The following AAMP variants were observed in gnomAD, a reference collection of about 807,000 sequenced individuals.
The protein encoded by AAMP is angio-associated migratory cell protein.
AAMP carries 12 observed loss-of-function variants against 51.1 expected under a neutral mutation model. The ratio of observed to expected loss-of-function variants is 0.23; its 90% confidence interval spans 0.15 to 0.38. AAMP has a LOEUF of 0.38. AAMP is among the 10% of genes least tolerant of loss of function. AAMP has a pLI of 1.00. For synonymous variants in AAMP, 210 were observed against 218.7 expected, an observed-to-expected ratio of 0.96 and a Z score of 0.35; for missense variants, 418 against 557.2, an observed-to-expected ratio of 0.75 and a Z score of 2.52.
Position 218,265,643 on chromosome 2 carries a change from G to T in AAMP, c.919C>A (p.Pro307Thr). ...VFRPETVASQ[P>T]SLGEGEESES... ...CTCTCCTCCCCTTCTCCCAGGCTGG[G>T]CTGGGAGGCCACAGTCTCAGGTCTA... Residue 307 changes from proline (P) to threonine (T), a missense_variant, in exon 8 of 11, where the codon CCC becomes ACC. Pro to Thr is a conservative substitution (Grantham distance 38). Coordinates refer to ENST00000248450, the MANE Select transcript of AAMP (RefSeq NM_001087.5). This position sits in a 1 kb window ranked among gnomAD's most constrained non-coding sequence, Gnocchi z 6.6. 1 of 1,613,672 alleles carries T rather than the reference G, an allele frequency of 6.2e-7. No homozygotes were observed. The highest frequency in any genetic ancestry group is 8.5e-7 in the Non-Finnish European group (1 of 1,179,970).
rs1409674670 is a variant in AAMP, at chr2:218,265,151, C to T, written c.1098G>A (p.Trp366Ter). 6.3e-7 allele frequency: 1 copy of T among 1,595,708 alleles called. No individual in the cohort carries two copies. Among genetic ancestry groups the T allele is most frequent in the African/African-American group, 1.3e-5 (1 of 74,548 alleles). The change falls in exon 10 of 11, where the codon TGG (tryptophan) becomes TGA (stop). Residue 366 changes from tryptophan (W) to a stop codon, truncating the protein, a stop_gained. Coordinates refer to ENST00000248450, the MANE Select transcript of AAMP (RefSeq NM_001087.5). LOFTEE classifies it high-confidence loss of function. The surrounding 1 kb of genome is among the most constrained non-coding windows in gnomAD (Gnocchi z 6.6). ...QHQSGIVQLL[W>*]EAGTAVVYTC... The stretch of plus-strand genomic sequence containing the variant: ...TATATACCACGGCAGTGCCTGCCTC[C>T]CACAGCAGCTGCACGATGCCCGACT...
At position 218,265,086 on chromosome 2, in the gene AAMP, C is replaced by T. The variant is rs758856081; in HGVS notation, c.1163G>A (p.Arg388Gln). ...GTAGTCAGTAAGCAGGCGGCCGGTC[C>T]GGGCGTCCCAGAGGCGCACGATGCC... is the stretch of plus-strand genomic sequence containing the variant. ...LDGIVRLWDA[R>Q]TGRLLTDYRG... Residue 388 changes from arginine (R) to glutamine (Q), a missense_variant, in exon 10 of 11, where the codon CGG becomes CAG. By Grantham distance (43) the Arg-to-Gln change is conservative (BLOSUM62 1). Coordinates refer to ENST00000248450, the MANE Select transcript of AAMP (RefSeq NM_001087.5). This position sits in a 1 kb window ranked among gnomAD's most constrained non-coding sequence, Gnocchi z 6.6. 4.3e-6 allele frequency: 7 copies of T among 1,613,614 alleles called. No homozygotes were observed. Among genetic ancestry groups the T allele is most frequent in the East Asian group, 4.5e-5 (2 of 44,890 alleles).
rs560486833 is a variant in AAMP at position 218,266,816 on chromosome 2, A to C, written c.534+31T>G. The C allele has an allele frequency of 5.6e-6, 9 of 1,612,696 alleles. No individual in the cohort carries two copies. In the Admixed American group the frequency reaches 6.7e-5, roughly 12 times the overall value. ...TGCACCCCCAACAACCCAAGGCCCC[A>C]CAGAGCTGACTCCCGCTCTGATGAT... On this transcript the variant is annotated intron_variant, in intron 4 of 10. Transcript: ENST00000248450. The surrounding 1 kb of genome is among the most constrained non-coding windows in gnomAD (Gnocchi z 4.7).
At chr2:218,268,122 C>A (rs1690679715) in intron 2 of AAMP, among the ~76,000 whole-genome samples, 1 of 151,828 alleles carries the variant, frequency 6.6e-6, no homozygotes. Context: ...GCGCCCGCCA[C>A]CACAACCAGC....
chr2:218,266,061 T>C lies in AAMP; in HGVS notation c.763+3A>G. On this transcript the variant is annotated splice_donor_region_variant and intron_variant, in intron 6 of 10. Transcript: ENST00000248450. The surrounding 1 kb of genome is among the most constrained non-coding windows in gnomAD (Gnocchi z 4.7). Reference sequence around the variant, plus strand: ...AGGCTAACACTTCCCCCACCTCTGATACCTTTCAGTACATGGATAGGGCTT... The same window carrying C: ...AGGCTAACACTTCCCCCACCTCTGACACCTTTCAGTACATGGATAGGGCTT... 1.9e-6 allele frequency: 3 copies of C among 1,613,962 alleles called. No individual in the cohort carries two copies. Among genetic ancestry groups the C allele is most frequent in the African/African-American group, 1.3e-5 (1 of 75,018 alleles).
chr2:218,266,712 A>C lies in AAMP; in HGVS notation c.535-125T>G. The C allele has an allele frequency of 2.6e-6, 4 of 1,549,660 alleles. No homozygotes were observed. The highest frequency in any genetic ancestry group is 3.5e-6 in the Non-Finnish European group (4 of 1,141,484). ...CGCGGGGACTTTCCAGGTAGCAGGT[A>C]GATATTCTTCCTGTGCCTTGGGGCG... On this transcript the variant is annotated intron_variant, in intron 4 of 10. Coordinates refer to ENST00000248450, the MANE Select transcript of AAMP (RefSeq NM_001087.5). This position sits in a 1 kb window ranked among gnomAD's most constrained non-coding sequence, Gnocchi z 4.7.
In AAMP at chr2:218,266,411, C is replaced by G. The variant is rs1293309847; in HGVS notation, c.679+32G>C. On this transcript the variant is annotated intron_variant, in intron 5 of 10. Transcript: ENST00000248450. The surrounding 1 kb of genome is among the most constrained non-coding windows in gnomAD (Gnocchi z 4.7). ...TATCCCGGGATTCGGCCTCTGCACC[C>G]AGGAAAGGTCACTCAAGGGAGGTGC... 1 of 1,605,920 alleles carries G rather than the reference C, an allele frequency of 6.2e-7. No individual in the cohort carries two copies. The highest frequency in any genetic ancestry group is 1.3e-5 in the African/African-American group (1 of 74,762).
At position 218,270,083 on chromosome 2, in the gene AAMP, C is replaced by T. The variant is rs1344946970; in HGVS notation, c.4G>A (p.Glu2Lys). The change falls in exon 1 of 11, where the codon GAG becomes AAG. Residue 2 changes from glutamate to lysine, a missense_variant. Physicochemically the swap from Glu to Lys is moderately conservative, Grantham distance 56. Transcript: ENST00000248450. ...GCAGCCCCGCTTTCCGATTCGGACT[C>T]CATGCGGCGCAAGCGGCGGATCCAC... Reference protein sequence around the residue: MESESESGAAAD... With the variant: MKSESESGAAAD... The T allele has an allele frequency of 1.2e-6, 2 of 1,613,870 alleles. No individual in the cohort carries two copies. The highest frequency in any genetic ancestry group is 1.7e-6 in the Non-Finnish European group (2 of 1,179,894).
chr2:218,268,694 C>CTTT (rs150733595), intron 2 of AAMP, among the ~76,000 whole-genome samples: 6 of 109,440 alleles, frequency 5.5e-5, no homozygotes, highest in South Asian at 3.3e-4. Flanking sequence ...TCAAAGATAA[C>CTTT]TTTTTTTTTT....
At position 218,267,252 on chromosome 2, in the gene AAMP, C is replaced by T. The variant is rs1230751177; in HGVS notation, c.394+242G>A. 1.5e-6 allele frequency: 1 copy of T among 673,394 alleles called. No individual in the cohort carries two copies. Among genetic ancestry groups the T allele is most frequent in the Non-Finnish European group, 2.5e-6 (1 of 403,442 alleles). The allele number at this position is 673,394 out of a possible 1,614,324, so 41.7% of individuals were successfully genotyped here. A position where few individuals can be genotyped will look rare whatever the true frequency, so the allele number is the denominator to read the frequency against. ...TCTGTCCACTCTACACCTCTGCCCGCCTGCTCCTATACCAATGTGGCCTTC... is the reference window on the plus strand; with the variant it reads ...TCTGTCCACTCTACACCTCTGCCCGTCTGCTCCTATACCAATGTGGCCTTC... On this transcript the variant is annotated intron_variant, in intron 3 of 10. Transcript: ENST00000248450. This position sits in a 1 kb window ranked among gnomAD's most constrained non-coding sequence, Gnocchi z 4.6.
In AAMP at chr2:218,265,300, C is replaced by T. The variant is rs1489769317; in HGVS notation, c.1074+71G>A. 3.9e-6 allele frequency: 6 copies of T among 1,537,880 alleles called. No individual in the cohort carries two copies. On this transcript the variant is annotated intron_variant, in intron 9 of 10. Coordinates refer to ENST00000248450, the MANE Select transcript of AAMP (RefSeq NM_001087.5). The surrounding 1 kb of genome is among the most constrained non-coding windows in gnomAD (Gnocchi z 6.6). ...GCAGGAGCCAGATCTGGGGTAGATG[C>T]TCCTGGAGGCCTGGGCTTCCCCACC...
rs1176459324 is a variant in AAMP at position 218,266,468 on chromosome 2, G to A, written c.654C>T (p.Ala218=). The change falls in exon 5 of 11, where the codon GCC becomes GCT. Residue 218 remains alanine (A), a synonymous_variant. Coordinates refer to ENST00000248450, the MANE Select transcript of AAMP (RefSeq NM_001087.5). This position sits in a 1 kb window ranked among gnomAD's most constrained non-coding sequence, Gnocchi z 4.7. ...CATCAGGGAGGACTCGGCCACAGGT[G>A]GCTGGGCAGTTGGGACCCTGGAAGG... ...CKTFQGPNCP[A]TCGRVLPDGK... 1 of 1,614,080 alleles carries A rather than the reference G, an allele frequency of 6.2e-7. No homozygotes were observed. Among genetic ancestry groups the A allele is most frequent in the Admixed American group, 1.7e-5 (1 of 60,024 alleles).
Position 218,269,541 on chromosome 2 carries a change from T to C in AAMP, c.122-7A>G, listed in dbSNP as rs1690730552. ...ATCTCCTGGGCCAGGTCATCTGCTT[T>C]GGGGAGAGGGTTAGAAGATGGGGCT... On this transcript the variant is annotated splice_region_variant and splice_polypyrimidine_tract_variant and intron_variant, in intron 1 of 10. Transcript: ENST00000248450. The C allele has an allele frequency of 6.2e-7, 1 of 1,613,952 alleles. No homozygotes were observed. Among genetic ancestry groups the C allele is most frequent in the African/African-American group, 1.3e-5 (1 of 74,958 alleles).
intron 1 of AAMP, 52 bp downstream of exon 1, chr2:218,269,914 G>A: frequency 1.9e-6 from 3 of 1,611,934 alleles, no homozygotes; most frequent in Middle Eastern, 1.7e-4. Context: ...AGGAGTCAGA[G>A]GCCAGGGGTG....
rs200453503 is a variant in AAMP, at chr2:218,269,505, C to T, written c.151G>A (p.Asp51Asn). 6.2e-7 allele frequency: 1 copy of T among 1,614,116 alleles called. No individual in the cohort carries two copies. The change falls in exon 2 of 11, where the codon GAC becomes AAC. Residue 51 changes from aspartate to asparagine, a missense_variant. Coordinates refer to ENST00000248450, the MANE Select transcript of AAMP (RefSeq NM_001087.5). ...TCTTCCTCCTCTTCTTCCTCAAAGTCCACATCTTCCATCTCCTGGGCCAGG... is the reference window on the plus strand; with the variant it reads ...TCTTCCTCCTCTTCTTCCTCAAAGTTCACATCTTCCATCTCCTGGGCCAGG... ...DDLAQEMEDV[D>N]FEEEEEEEGN...
At chr2:218,269,629 G>C (rs911451894) in intron 1 of AAMP, 95 bp from the exon 2 acceptor site, 4 of 1,594,270 alleles carry the variant, frequency 2.5e-6, no homozygotes, top group Non-Finnish European at 3.4e-6. Flanking sequence ...CGGGTCATGT[G>C]GCGAGAAGGG....
chr2:218,266,166 G>T lies in AAMP; in HGVS notation c.680-19C>A. 1 of 1,610,234 alleles carries T rather than the reference G, an allele frequency of 6.2e-7. No individual in the cohort carries two copies. Among genetic ancestry groups the T allele is most frequent in the Non-Finnish European group, 8.5e-7 (1 of 1,176,526 alleles). On this transcript the variant is annotated intron_variant, in intron 5 of 10. Transcript: ENST00000248450. The surrounding 1 kb of genome is among the most constrained non-coding windows in gnomAD (Gnocchi z 4.7). Reference sequence around the variant, plus strand: ...CTCTTCCCTGAAGAGAGGCACAGATGAAGAGAGGGCAGAGGGCACGCTCAC... The same window carrying T: ...CTCTTCCCTGAAGAGAGGCACAGATTAAGAGAGGGCAGAGGGCACGCTCAC...
Position 218,269,989 on chromosome 2 carries a change from A to C in AAMP, c.98T>G (p.Leu33Arg), listed in dbSNP as rs1384575453. The change falls in exon 1 of 11, where the codon CTT becomes CGT. Residue 33 changes from leucine to arginine, a missense_variant. Leu to Arg is a moderately radical substitution (Grantham distance 102, BLOSUM62 -2). Coordinates refer to ENST00000248450, the MANE Select transcript of AAMP (RefSeq NM_001087.5). ...GDEEIIEVVE[L>R]DPGPPDPDDL... ...ACCTGGGTCCGGCGGACCGGGATCA[A>C]GTTCTACCACCTCGATAATCTCTTC... is the stretch of plus-strand genomic sequence containing the variant. 6.2e-7 allele frequency: 1 copy of C among 1,614,124 alleles called. No individual in the cohort carries two copies. Among genetic ancestry groups the C allele is most frequent in the Admixed American group, 1.7e-5 (1 of 60,032 alleles).
chr2:218,268,856 G>A (rs188155718), intron 2 of AAMP, among the ~76,000 whole-genome samples: 3,355 of 151,638 alleles, frequency 0.022, 57 homozygotes, highest in Non-Finnish European at 0.029. Context: ...CCGCTACCAC[G>A]CCCAGCTAAT....
Sources: allele counts gnomAD v4.1 joint callset (sites outside exome capture counted in the v4.1 genomes callset), GRCh38; gene constraint gnomAD v4.1.1; non-coding constraint Gnocchi (gnomAD v3.1); transcripts MANE v1.5; gene names NCBI Gene and HGNC (gene_info 2026-07-23, HGNC 2026-07-21).